The following HEXA variants were observed in gnomAD, a reference collection of about 807,000 sequenced individuals.
HEXA encodes the protein beta-hexosaminidase subunit alpha.
A neutral mutation model predicts 73.3 loss-of-function variants in HEXA; 54 were observed. The observed-to-expected ratio is 0.74, with a 90% confidence interval of 0.59 to 0.92. HEXA has a LOEUF of 0.92. Among genes scored for constraint, HEXA ranks in the 40% least tolerant of loss-of-function variants. The pLI, the probability that HEXA is intolerant of heterozygous loss-of-function variation, is 0.00. For synonymous variants in HEXA, 230 were observed against 246.9 expected (o/e 0.93, Z 0.64); for missense variants, 649 against 653.0 (o/e 0.99, Z 0.07).
At chr15:72,345,987 A>T (rs2088607223) in intron 12 of HEXA, 3 of 571,652 alleles carry the variant, frequency 5.2e-6, no homozygotes, top group East Asian at 3.0e-5. Flanking sequence ...AGGCCTCATT[A>T]TCTCTCTGGG....
At chr15:72,359,877 T>C (rs1423831739) in intron 1 of HEXA, 1 of 151,944 alleles carries the variant, frequency 6.6e-6, no homozygotes, top group Admixed American at 6.6e-5. Flanking sequence ...TAGTACCTTA[T>C]AGAGTAATTT....
chr15:72,361,666 CATCTAACTGAGTAG>C (rs2088854526), intron 1 of HEXA, among the ~76,000 whole-genome samples: 2 of 152,238 alleles, frequency 1.3e-5, no homozygotes, highest in Non-Finnish European at 2.9e-5. Context: ...CTACACCTTC[CATCTAACTGAGTAG>C]ATCACAAGTT....
intron 1 of HEXA, chr15:72,362,615 G>A: frequency 5.0e-6 from 2 of 401,352 alleles, no homozygotes; most frequent in Admixed American, 5.3e-5. Context: ...ACTGGGGTGG[G>A]CGATGCTAAG....
intron 4 of HEXA, 125 bp downstream of exon 4, chr15:72,353,566 A>T: frequency 1.3e-6 from 1 of 763,852 alleles, no homozygotes; most frequent in Non-Finnish European, 2.4e-6. Flanking sequence ...CTCCTCTTCC[A>T]TTTCTACTGG....
At chr15:72,370,180 A>T (rs2088970804) in intron 1 of HEXA, 1 of 154,710 alleles carries the variant, frequency 6.5e-6, no homozygotes, top group Non-Finnish European at 1.4e-5. Flanking sequence ...TAAGGGGTTA[A>T]TAAACACTTT....
intron 8 of HEXA, among the ~76,000 whole-genome samples, chr15:72,348,413 G>A (rs1170179306): frequency 6.6e-6 from 1 of 152,224 alleles, no homozygotes; most frequent in Admixed American, 6.5e-5. Flanking sequence ...ACTGCAACAT[G>A]AGAATCCAAG....
chr15:72,351,123 G>A lies in HEXA; in HGVS notation c.672+10C>T, dbSNP rs2088689193. 7.1e-6 allele frequency: 11 copies of A among 1,553,218 alleles called. No homozygotes were observed. Among genetic ancestry groups the A allele is most frequent in the Admixed American group, 3.3e-5 (2 of 59,922 alleles). Reference sequence around the variant, plus strand: ...CCCATAAACTTGGTCTGAGTGAAACGGGAACATACCTTTCTCATGAGCTCT... The same window carrying A: ...CCCATAAACTTGGTCTGAGTGAAACAGGAACATACCTTTCTCATGAGCTCT... On this transcript the variant is annotated intron_variant, in intron 6 of 13. Coordinates refer to ENST00000268097, the MANE Select transcript of HEXA (RefSeq NM_000520.6).
At chr15:72,350,116 CT>C in intron 7 of HEXA, 1 of 285,798 alleles carries the variant, frequency 3.5e-6, no homozygotes, top group Non-Finnish European at 6.9e-6. Context: ...GTCATTTAAC[CT>C]GTGTTGGGGG....
chr15:72,341,748 T>C lies in HEXA; in HGVS notation c.*2329A>G, dbSNP rs2088556835. 1 of 152,188 alleles carries C rather than the reference T, an allele frequency of 6.6e-6. No homozygotes were observed. Among genetic ancestry groups the C allele is most frequent in the Non-Finnish European group, 1.5e-5 (1 of 68,036 alleles). The allele number at this position is 152,188 out of a possible 1,614,324, so 9.4% of individuals were successfully genotyped here. A position where few individuals can be genotyped will look rare whatever the true frequency, so the allele number is the denominator to read the frequency against. ...ACTGCAGGCCACTGCAGTTGACCTGTTGGCATTCGAGGTCTGACGACCTTC... is the reference window on the plus strand; with the variant it reads ...ACTGCAGGCCACTGCAGTTGACCTGCTGGCATTCGAGGTCTGACGACCTTC... On this transcript the variant is annotated 3_prime_UTR_variant, in exon 14 of 14. Coordinates refer to ENST00000268097, the MANE Select transcript of HEXA (RefSeq NM_000520.6).
At chr15:72,363,216 A>G (rs952673215) in intron 1 of HEXA, among the ~76,000 whole-genome samples, 5 of 152,236 alleles carry the variant, frequency 3.3e-5, no homozygotes, top group African/African-American at 1.2e-4. Context: ...TGCATCAGGA[A>G]CTGTGCTAGG....
chr15:72,368,932 A>G (rs1015328273), intron 1 of HEXA, among the ~76,000 whole-genome samples: 18 of 152,148 alleles, frequency 1.2e-4, no homozygotes, highest in Admixed American at 5.2e-4. Flanking sequence ...CATCTCTCTT[A>G]CCCCCTCAAT....
Position 72,356,596 on chromosome 15 carries a change from T to A in HEXA, c.275A>T (p.Lys92Met). The A allele has an allele frequency of 6.2e-7, 1 of 1,614,144 alleles. No homozygotes were observed. Among genetic ancestry groups the A allele is most frequent in the Non-Finnish European group, 8.5e-7 (1 of 1,180,002 alleles). Residue 92 changes from lysine to methionine, a missense_variant, in exon 2 of 14, where the codon AAG becomes ATG. Physicochemically the swap from Lys to Met is moderately conservative, Grantham distance 95 (BLOSUM62 -1). Coordinates refer to ENST00000268097, the MANE Select transcript of HEXA (RefSeq NM_000520.6). The part of the protein sequence containing the change: ...YLTGKRHTLE[K>M]NVLVVSVVTP... Reference sequence around the variant, plus strand: ...GACTACAGAGACAACCAACACATTCTTCTCCAGTGTATGCCGTTTCCCTAG... The same window carrying A: ...GACTACAGAGACAACCAACACATTCATCTCCAGTGTATGCCGTTTCCCTAG...
At chr15:72,370,629 C>G (rs967063736) in intron 1 of HEXA, 2 of 391,542 alleles carry the variant, frequency 5.1e-6, no homozygotes, top group Non-Finnish European at 8.9e-6. Flanking sequence ...TCCTGGAGTT[C>G]GAGGTTGCTG....
At chr15:72,366,118 A>G (rs755240689) in intron 1 of HEXA, among the ~76,000 whole-genome samples, 1 of 152,072 alleles carries the variant, frequency 6.6e-6, no homozygotes, top group Non-Finnish European at 1.5e-5. Flanking sequence ...CACTTCCCCT[A>G]CAACATGCTC....
At chr15:72,366,503 G>T (rs759545802) in intron 1 of HEXA, among the ~76,000 whole-genome samples, 43 of 151,742 alleles carry the variant, frequency 2.8e-4, no homozygotes, top group Non-Finnish European at 5.7e-4. Context: ...ATTAGACGGG[G>T]TTTCACCACA....
At chr15:72,361,993 G>A (rs536648156) in intron 1 of HEXA, among the ~76,000 whole-genome samples, 3 of 152,298 alleles carry the variant, frequency 2.0e-5, no homozygotes, top group South Asian at 2.1e-4. Flanking sequence ...GACAGTCTCC[G>A]CTTAAAATCT....
chr15:72,353,539 C>A, intron 4 of HEXA, 152 bp downstream of exon 4: 1 of 705,204 alleles, frequency 1.4e-6, no homozygotes, highest in Admixed American at 2.2e-5. Flanking sequence ...TCTACCAAAC[C>A]AGTTTTCCAC....
chr15:72,358,357 T>C (rs963247737), intron 1 of HEXA: 1 of 152,284 alleles, frequency 6.6e-6, no homozygotes, highest in South Asian at 2.1e-4. Flanking sequence ...AACTAATCCA[T>C]ATGCAACTAC....
chr15:72,366,628 T>C (rs1043267120), intron 1 of HEXA, among the ~76,000 whole-genome samples: 1 of 151,800 alleles, frequency 6.6e-6, no homozygotes, highest in African/African-American at 2.4e-5. Flanking sequence ...CTTAATACTT[T>C]GGATCCTGTT....
Sources: gnomAD v4.1 joint callset for allele counts (sites outside exome capture counted in the v4.1 genomes callset) on GRCh38, gnomAD v4.1.1 for gene constraint, MANE v1.5 for transcripts, NCBI Gene and HGNC (gene_info 2026-07-23, HGNC 2026-07-21) for gene names.